UNC5C: variants seen among roughly 807,000 people sequenced by gnomAD.
UNC5C encodes the protein unc-5 netrin receptor C.
UNC5C carries 47 observed loss-of-function variants against 99.8 expected under a neutral mutation model. That is an observed-to-expected ratio of 0.47 (90% CI 0.37 to 0.60). UNC5C has a LOEUF of 0.60. Among genes scored for constraint, UNC5C ranks in the 20% least tolerant of loss-of-function variants. UNC5C has a pLI of 0.00. For missense variants in UNC5C, 1,062 were observed against 1,165.9 expected (o/e 0.91, Z 1.30); for synonymous variants, 487 against 452.2 (o/e 1.08, Z -0.98).
chr4:95,203,555 C>T (rs1041331667), intron 11 of UNC5C, among the ~76,000 whole-genome samples: 1 of 152,102 alleles, frequency 6.6e-6, no homozygotes, highest in African/African-American at 2.4e-5. Context: ...CTGCAACCTC[C>T]GTCCCCTAGG....
At chr4:95,226,001 T>C (rs945034024) in intron 7 of UNC5C, among the ~76,000 whole-genome samples, 1 of 152,252 alleles carries the variant, frequency 6.6e-6, no homozygotes, top group Non-Finnish European at 1.5e-5. Context: ...CTTCTCCATC[T>C]GATCCGTCTC....
intron 1 of UNC5C, among the ~76,000 whole-genome samples, chr4:95,484,476 C>T (rs746883644): frequency 2.7e-5 from 4 of 150,430 alleles, no homozygotes; most frequent in African/African-American, 4.9e-5. Context: ...GGCAACATGA[C>T]TGGTGTTGGG....
chr4:95,522,138 A>G (rs1051279453), intron 1 of UNC5C, among the ~76,000 whole-genome samples: 1 of 152,136 alleles, frequency 6.6e-6, no homozygotes, highest in Non-Finnish European at 1.5e-5. Flanking sequence ...GACAAAAGAC[A>G]TTATTTAAAC....
intron 1 of UNC5C, among the ~76,000 whole-genome samples, chr4:95,344,208 AC>A (rs1743685390): frequency 6.6e-6 from 1 of 152,112 alleles, no homozygotes; most frequent in South Asian, 2.1e-4. Flanking sequence ...AGAGAAAAAA[AC>A]AACATAAAAT....
chr4:95,179,638 T>G (rs1175338599), intron 14 of UNC5C, among the ~76,000 whole-genome samples: 2 of 150,574 alleles, frequency 1.3e-5, no homozygotes, highest in African/African-American at 4.9e-5. Flanking sequence ...TCCCAGCTAC[T>G]CAGGAGGCTG....
rs551670813 is a variant in UNC5C at position 95,213,806 on chromosome 4, A to G, written c.1733+2318T>C. Among the ~76,000 whole-genome samples, 18 of 152,314 alleles carry G rather than the reference A, an allele frequency of 1.2e-4. No homozygotes were observed. The East Asian group carries it at 3.3e-3, about 28-fold the overall frequency. ...TTCCAAAGAAGTTCTGTCTTGTATC[A>G]TGTGTGGATAGAAAGGATCTTTAGT... is the stretch of plus-strand genomic sequence containing the variant. On this transcript the variant is annotated intron_variant, in intron 10 of 15. Transcript: ENST00000453304.
intron 7 of UNC5C, among the ~76,000 whole-genome samples, chr4:95,226,821 G>A (rs1403126870): frequency 1.3e-5 from 2 of 152,030 alleles, no homozygotes. Context: ...GGTAGGGATG[G>A]TGTTTTTTTT....
chr4:95,301,230 C>G (rs1421596017), intron 3 of UNC5C, among the ~76,000 whole-genome samples: 1 of 126,472 alleles, frequency 7.9e-6, no homozygotes, highest in Non-Finnish European at 1.6e-5. Context: ...CAGTCTTGCT[C>G]TGTAGCCCAG....
At chr4:95,250,431 C>A in intron 5 of UNC5C, 56 bp downstream of exon 5, 1 of 1,550,308 alleles carries the variant, frequency 6.5e-7, no homozygotes, top group Non-Finnish European at 8.8e-7. Context: ...TTACCGATGC[C>A]AACGAGAAAC....
chr4:95,517,394 G>A (rs1722245423), intron 1 of UNC5C, among the ~76,000 whole-genome samples: 1 of 152,126 alleles, frequency 6.6e-6, no homozygotes, highest in Non-Finnish European at 1.5e-5. Flanking sequence ...CGGACTACCT[G>A]AGGTAGGGTG....
At chr4:95,238,047 C>A (rs1403177897) in intron 7 of UNC5C, among the ~76,000 whole-genome samples, 11 of 151,776 alleles carry the variant, frequency 7.2e-5, no homozygotes, top group Non-Finnish European at 1.0e-4. Flanking sequence ...TAAATAAATA[C>A]ATACATACAT....
intron 3 of UNC5C, among the ~76,000 whole-genome samples, chr4:95,282,729 C>A (rs1285917868): frequency 6.6e-6 from 1 of 152,148 alleles, no homozygotes; most frequent in African/African-American, 2.4e-5. Context: ...AGCATTCATT[C>A]CTTCCTTCAT....
intron 14 of UNC5C, among the ~76,000 whole-genome samples, chr4:95,180,962 C>T (rs768515709): frequency 6.6e-6 from 1 of 152,164 alleles, no homozygotes; most frequent in Non-Finnish European, 1.5e-5. Flanking sequence ...GGTCCCATAA[C>T]TCTACAGAGT....
chr4:95,438,153 G>C (rs1430380309), intron 1 of UNC5C, among the ~76,000 whole-genome samples: 2 of 152,012 alleles, frequency 1.3e-5, no homozygotes, highest in Non-Finnish European at 2.9e-5. Context: ...TGCTGTTGCT[G>C]TTGTTATTGC....
intron 4 of UNC5C, among the ~76,000 whole-genome samples, chr4:95,271,232 ATT>A (rs201364522): frequency 8.9e-6 from 1 of 112,282 alleles, no homozygotes; most frequent in Non-Finnish European, 2.1e-5. Flanking sequence ...TTTTTTATTT[ATT>A]TTTTTTTTTT....
At chr4:95,468,417 A>C (rs552171345) in intron 1 of UNC5C, among the ~76,000 whole-genome samples, 2 of 152,090 alleles carry the variant, frequency 1.3e-5, no homozygotes, top group Non-Finnish European at 2.9e-5. Flanking sequence ...TAGCTATTGA[A>C]TTTCTCCAAG....
chr4:95,494,484 T>A lies in UNC5C; in HGVS notation c.124+54250A>T, dbSNP rs1228020510. ...CAGATCTTGTTGTCCTCCCCACCCC[T>A]TAAGTATAGCCAACAGAATTCAATG... On this transcript the variant is annotated intron_variant, in intron 1 of 15. Coordinates refer to ENST00000453304, the MANE Select transcript of UNC5C (RefSeq NM_003728.4). Among the ~76,000 whole-genome samples, 17 of 151,466 alleles carry A rather than the reference T, an allele frequency of 1.1e-4. 1 individual carries two copies. In the Admixed American group the frequency reaches 1.1e-3, roughly 10 times the overall value.
chr4:95,274,142 A>G (rs1341937981), intron 4 of UNC5C, among the ~76,000 whole-genome samples: 5 of 152,194 alleles, frequency 3.3e-5, no homozygotes, highest in African/African-American at 1.2e-4. Flanking sequence ...ATTTCAATAC[A>G]ATCGGTAGGC....
chr4:95,461,615 T>C (rs1480033113), intron 1 of UNC5C, among the ~76,000 whole-genome samples: 1 of 152,230 alleles, frequency 6.6e-6, no homozygotes, highest in Non-Finnish European at 1.5e-5. Context: ...GCCATTTGAA[T>C]TGTTTCTGTT....
Sources: allele counts gnomAD v4.1 joint callset (sites outside exome capture counted in the v4.1 genomes callset), GRCh38; gene constraint gnomAD v4.1.1; transcripts MANE v1.5; gene names NCBI Gene and HGNC (gene_info 2026-07-23, HGNC 2026-07-21).